Variants in TDRD3 observed in about 807,000 individuals in gnomAD.
TDRD3 encodes tudor domain containing 3.
In TDRD3, 45 loss-of-function variants were observed where a neutral mutation model predicts 86.7. That is an observed-to-expected ratio of 0.52 (90% CI 0.41 to 0.67). The LOEUF (loss-of-function observed/expected upper bound fraction) is 0.67, where lower values mean the gene tolerates loss of function less well. TDRD3 is among the 30% of genes least tolerant of loss of function. The pLI is 0.00. For synonymous variants in TDRD3, 298 were observed against 301.7 expected, an observed-to-expected ratio of 0.99 and a Z score of 0.13; for missense variants, 814 against 889.0, an observed-to-expected ratio of 0.92 and a Z score of 1.07.
chr13:60,406,123 A>G (rs1278069589), intron 1 of TDRD3, among the ~76,000 whole-genome samples: 1 of 152,196 alleles, frequency 6.6e-6, no homozygotes, highest in African/African-American at 2.4e-5. Flanking sequence ...CATCTAAAAT[A>G]AGATGTTAGG....
At chr13:60,400,677 G>A (rs1954069249) in intron 1 of TDRD3, among the ~76,000 whole-genome samples, 1 of 151,746 alleles carries the variant, frequency 6.6e-6, no homozygotes, top group Non-Finnish European at 1.5e-5. Flanking sequence ...GGCGGAGGTT[G>A]CAGTGAGTCG....
At chr13:60,412,172 A>G (rs893985586) in intron 1 of TDRD3, among the ~76,000 whole-genome samples, 8 of 152,330 alleles carry the variant, frequency 5.3e-5, no homozygotes, top group East Asian at 1.9e-4. Flanking sequence ...TACATATCCA[A>G]TCATGTGACA....
chr13:60,422,617 T>A (rs1333505339), intron 1 of TDRD3, among the ~76,000 whole-genome samples: 3 of 151,942 alleles, frequency 2.0e-5, no homozygotes, highest in Admixed American at 6.6e-5. Flanking sequence ...TTGATGGAGC[T>A]TTGGAAAGAA....
At chr13:60,506,567 G>C (rs951652505) in intron 8 of TDRD3, among the ~76,000 whole-genome samples, 2 of 152,120 alleles carry the variant, frequency 1.3e-5, no homozygotes, top group African/African-American at 4.8e-5. Flanking sequence ...GACCAGCCTG[G>C]CTAACATGGT....
chr13:60,573,743 T>C lies in TDRD3; in HGVS notation c.*137T>C. 1.2e-6 allele frequency: 1 copy of C among 823,238 alleles called. No homozygotes were observed. The highest frequency in any genetic ancestry group is 1.5e-6 in the Non-Finnish European group (1 of 682,040). 51.0% of individuals were successfully genotyped at this position (823,238 alleles called of 1,614,324 possible). A position where few individuals can be genotyped will look rare whatever the true frequency, so the allele number is the denominator to read the frequency against. On this transcript the variant is annotated 3_prime_UTR_variant, in exon 14 of 14. Coordinates refer to ENST00000377881, the MANE Select transcript of TDRD3 (RefSeq NM_001146070.2). ...TTATTTGAAGAAAGAAAAAACAGAT[T>C]TTAGGGTGGAAAAAACAGTCAACTC...
chr13:60,465,193 A>C (rs1190530215), intron 4 of TDRD3, among the ~76,000 whole-genome samples: 1 of 152,178 alleles, frequency 6.6e-6, no homozygotes, highest in Non-Finnish European at 1.5e-5. Context: ...AAATAACTTG[A>C]CTACATAGGT....
chr13:60,456,146 GA>G (rs979325404), intron 3 of TDRD3, among the ~76,000 whole-genome samples: 4 of 149,418 alleles, frequency 2.7e-5, no homozygotes, highest in African/African-American at 4.9e-5. Context: ...CTAGAGTTAA[GA>G]AAAAAAAATT....
At chr13:60,397,485 T>A in intron 1 of TDRD3, 80 bp downstream of exon 1, 1 of 1,254,160 alleles carries the variant, frequency 8.0e-7, no homozygotes, top group Non-Finnish European at 1.0e-6. Context: ...GGCGGCGGGG[T>A]GCGTGTCGGG....
intron 5 of TDRD3, among the ~76,000 whole-genome samples, chr13:60,474,547 C>T (rs1325269418): frequency 6.6e-6 from 1 of 152,182 alleles, no homozygotes; most frequent in Non-Finnish European, 1.5e-5. Context: ...AAGATGTGTA[C>T]CCTTGACTTC....
At chr13:60,541,946 C>T (rs533187772) in intron 12 of TDRD3, among the ~76,000 whole-genome samples, 26 of 151,176 alleles carry the variant, frequency 1.7e-4, no homozygotes, top group Admixed American at 3.3e-4. Flanking sequence ...AGGCTGGTCT[C>T]GAACTCCCGA....
chr13:60,556,607 TA>T, intron 12 of TDRD3, among the ~76,000 whole-genome samples: 1 of 152,300 alleles, frequency 6.6e-6, no homozygotes, highest in East Asian at 1.9e-4. Flanking sequence ...CTAAAAATAT[TA>T]AAGCAAGATT....
intron 1 of TDRD3, among the ~76,000 whole-genome samples, chr13:60,419,930 T>C (rs1218458565): frequency 6.6e-6 from 1 of 152,058 alleles, no homozygotes; most frequent in Admixed American, 6.5e-5. Context: ...ATTTTTAATG[T>C]TTTTCCTATA....
At chr13:60,466,621 C>T (rs1029185214) in intron 4 of TDRD3, among the ~76,000 whole-genome samples, 2 of 152,034 alleles carry the variant, frequency 1.3e-5, no homozygotes, top group Non-Finnish European at 2.9e-5. Flanking sequence ...AACCCTGTCT[C>T]TCCTGAAAAT....
At chr13:60,507,851 C>T (rs12584686) in intron 8 of TDRD3, among the ~76,000 whole-genome samples, 18,921 of 152,172 alleles carry the variant, frequency 0.12, 1,362 homozygotes, top group East Asian at 0.19. Context: ...TTGCAGATGA[C>T]ATGATTGTAT....
intron 1 of TDRD3, among the ~76,000 whole-genome samples, chr13:60,422,568 C>A (rs1229293597): frequency 4.0e-5 from 6 of 151,854 alleles, no homozygotes; most frequent in African/African-American, 1.5e-4. Flanking sequence ...AAACTAAAGA[C>A]AGAAGTGGAC....
chr13:60,445,853 CTG>C (rs1454281980), intron 3 of TDRD3, among the ~76,000 whole-genome samples: 2 of 152,122 alleles, frequency 1.3e-5, no homozygotes, highest in African/African-American at 4.8e-5. Context: ...TCTGCTTTCT[CTG>C]TGTGTCCTAA....
chr13:60,411,816 G>T (rs1249288728), intron 1 of TDRD3, among the ~76,000 whole-genome samples: 1 of 152,132 alleles, frequency 6.6e-6, no homozygotes, highest in Non-Finnish European at 1.5e-5. Flanking sequence ...ATTTTAGTAA[G>T]ATTCTTATTA....
Position 60,467,386 on chromosome 13 carries a change from G to A in TDRD3, c.495+7G>A, listed in dbSNP as rs766869990. ...GAAATGGGAGTTACAGAGAGTAAGT[G>A]TAAACTATGGCTTGAACTTTTGAAA... On this transcript the variant is annotated splice_region_variant and intron_variant, in intron 5 of 13. Coordinates refer to ENST00000377881, the MANE Select transcript of TDRD3 (RefSeq NM_001146070.2). The A allele has an allele frequency of 1.2e-6, 2 of 1,611,264 alleles. No individual in the cohort carries two copies.
chr13:60,568,484 C>T (rs945261002), intron 13 of TDRD3, among the ~76,000 whole-genome samples: 2 of 152,178 alleles, frequency 1.3e-5, no homozygotes, highest in African/African-American at 2.4e-5. Context: ...TATGTAAGGA[C>T]TTTGGCAACT....
Sources: allele counts gnomAD v4.1 joint callset (sites outside exome capture counted in the v4.1 genomes callset), GRCh38; gene constraint gnomAD v4.1.1; transcripts MANE v1.5; gene names NCBI Gene and HGNC (gene_info 2026-07-23, HGNC 2026-07-21).